The following ADAMTS18 variants were observed in gnomAD, a reference collection of about 807,000 sequenced individuals.
ADAMTS18 encodes the protein A disintegrin and metalloproteinase with thrombospondin motifs 18.
ADAMTS18 carries 157 observed loss-of-function variants against 165.9 expected under a neutral mutation model. The observed-to-expected ratio is 0.95, with a 90% CI of 0.83 to 1.08. The LOEUF (loss-of-function observed/expected upper bound fraction) is 1.08, where lower values mean the gene tolerates loss of function less well. ADAMTS18 is among the 50% of genes least tolerant of loss of function. The pLI, the probability that ADAMTS18 is intolerant of heterozygous loss-of-function variation, is 0.00. For synonymous variants in ADAMTS18, 782 were observed against 578.2 expected (o/e 1.35, Z -5.06); for missense variants, 2,040 against 1,534.0 (o/e 1.33, Z -5.51).
At chr16:77,316,881 G>T (rs1335798745) in intron 16 of ADAMTS18, among the ~76,000 whole-genome samples, 1 of 152,096 alleles carries the variant, frequency 6.6e-6, no homozygotes. Flanking sequence ...AGGCCAGTCT[G>T]GTCTCATACT....
intron 16 of ADAMTS18, among the ~76,000 whole-genome samples, chr16:77,309,841 C>A (rs2055747941): frequency 6.6e-6 from 1 of 152,190 alleles, no homozygotes; most frequent in Admixed American, 6.5e-5. Flanking sequence ...GGTAAGTCCA[C>A]TGTGAACTAA....
chr16:77,420,750 A>T (rs536448608), intron 3 of ADAMTS18, among the ~76,000 whole-genome samples: 1 of 152,164 alleles, frequency 6.6e-6, no homozygotes, highest in South Asian at 2.1e-4. Flanking sequence ...TTTTCCCATT[A>T]TGTCTCTTCA....
Position 77,283,622 on chromosome 16 carries a change from A to C in ADAMTS18, c.*334T>G, listed in dbSNP as rs2055190367. On this transcript the variant is annotated 3_prime_UTR_variant, in exon 23 of 23. Transcript: ENST00000282849. Reference sequence around the variant, plus strand: ...TTAAAACAGATGTCTTTGCCCTTGAACCCTTTGAAGTTCAAAAGGGGGTCT... The same window carrying C: ...TTAAAACAGATGTCTTTGCCCTTGACCCCTTTGAAGTTCAAAAGGGGGTCT... 1 of 312,416 alleles carries C rather than the reference A, an allele frequency of 3.2e-6. No homozygotes were observed. The highest frequency in any genetic ancestry group is 3.1e-5 in the South Asian group (1 of 32,190). 19.4% of individuals were successfully genotyped at this position (312,416 alleles called of 1,614,324 possible).
intron 22 of ADAMTS18, 103 bp downstream of exon 22, chr16:77,289,160 AC>A (rs2055313469): frequency 2.1e-6 from 3 of 1,443,584 alleles, no homozygotes; most frequent in Non-Finnish European, 1.9e-6. Context: ...TGAATGGCTT[AC>A]CCTAGAGTTG....
chr16:77,410,672 C>A (rs753392219), intron 3 of ADAMTS18, among the ~76,000 whole-genome samples: 1 of 152,120 alleles, frequency 6.6e-6, no homozygotes, highest in African/African-American at 2.4e-5. Context: ...CCAGAGACCG[C>A]CCTTGCTTGT....
Position 77,362,097 on chromosome 16 carries a change from T to G in ADAMTS18, c.1216+8A>C, listed in dbSNP as rs2056723670. ...CAGGTGTGTGTGAAGGATCTGTTCA[T>G]ACCATACCTAGAGTGTCACATGGTT... On this transcript the variant is annotated splice_region_variant and intron_variant, in intron 7 of 22. Coordinates refer to ENST00000282849, the MANE Select transcript of ADAMTS18 (RefSeq NM_199355.4). 1 of 1,614,050 alleles carries G rather than the reference T, an allele frequency of 6.2e-7. No individual in the cohort carries two copies. Among genetic ancestry groups the G allele is most frequent in the East Asian group, 2.2e-5 (1 of 44,860 alleles).
chr16:77,321,839 G>A (rs899990660), intron 14 of ADAMTS18, among the ~76,000 whole-genome samples: 30 of 152,178 alleles, frequency 2.0e-4, no homozygotes, highest in Admixed American at 1.9e-3. Flanking sequence ...CAAGGCTCAT[G>A]CAACAAGTAA....
intron 3 of ADAMTS18, among the ~76,000 whole-genome samples, chr16:77,419,869 G>A (rs2057578848): frequency 6.6e-6 from 1 of 151,638 alleles, no homozygotes; most frequent in Non-Finnish European, 1.5e-5. Flanking sequence ...GTATGGTAGT[G>A]GCGCCTGTAA....
chr16:77,421,729 T>C (rs1035017466), intron 3 of ADAMTS18, among the ~76,000 whole-genome samples: 4 of 152,148 alleles, frequency 2.6e-5, no homozygotes, highest in African/African-American at 4.8e-5. Context: ...GTATTTGACA[T>C]GTCAGCTTTT....
In ADAMTS18 at chr16:77,359,547, TG is replaced by T. The variant is rs1301852472; in HGVS notation, c.1217-125del. ...AATAGATCAATGCATTCAGTGTTTT[TG>T]GAAAAAAAAAAAAAAAAAGATCTAT... On this transcript the variant is annotated intron_variant, in intron 7 of 22. Coordinates refer to ENST00000282849, the MANE Select transcript of ADAMTS18 (RefSeq NM_199355.4). The T allele has an allele frequency of 2.1e-3, 1,289 of 619,190 alleles. 9 individuals are homozygous for T. The African/African-American group carries it at 0.037, about 18-fold the overall frequency. 38.4% of individuals were successfully genotyped at this position (619,190 alleles called of 1,614,324 possible). A position where few individuals can be genotyped will look rare whatever the true frequency, so the allele number is the denominator to read the frequency against.
chr16:77,373,465 GAAAAAAAAA>G (rs371326389), intron 3 of ADAMTS18, among the ~76,000 whole-genome samples: 7 of 78,210 alleles, frequency 9.0e-5, no homozygotes. Flanking sequence ...CCTCAAAAAA[GAAAAAAAAA>G]AAAAAGAAAG....
chr16:77,356,494 G>C (rs974032280), intron 8 of ADAMTS18, among the ~76,000 whole-genome samples: 3 of 152,172 alleles, frequency 2.0e-5, no homozygotes, highest in African/African-American at 7.2e-5. Flanking sequence ...AGTACAGAGA[G>C]ATGATGATTA....
rs1555511655 is a variant in ADAMTS18, at chr16:77,314,753, C to CCTATATATATATATATATATATAT, written c.2532+5095_2532+5096insATATATATATATATATATATATAG. On this transcript the variant is annotated intron_variant, in intron 16 of 22. Transcript: ENST00000282849. Reference sequence around the variant, plus strand: ...GTTTGCTAAATATGGTCTCAGGTTTCATATATATATATATATATATATATA... The same window carrying CCTATATATATATATATATATATAT: ...GTTTGCTAAATATGGTCTCAGGTTTCCTATATATATATATATATATATATATATATATATATATATATATATATA... Among the ~76,000 whole-genome samples the CCTATATATATATATATATATATAT allele has an allele frequency of 5.4e-5, 2 of 36,902 alleles. 1 individual carries two copies. The highest frequency in any genetic ancestry group is 1.1e-4 in the Non-Finnish European group (2 of 18,566). 24.2% of individuals were successfully genotyped at this position (36,902 alleles called of 152,430 possible).
intron 16 of ADAMTS18, among the ~76,000 whole-genome samples, chr16:77,318,145 G>T (rs1046071876): frequency 6.6e-6 from 1 of 152,182 alleles, no homozygotes; most frequent in Admixed American, 6.5e-5. Context: ...TCAGTTTTCA[G>T]ATCAACCCTC....
intron 9 of ADAMTS18, among the ~76,000 whole-genome samples, 174 bp from the exon 10 acceptor site, chr16:77,354,060 G>A (rs1487230487): frequency 6.6e-6 from 1 of 152,158 alleles, no homozygotes; most frequent in Admixed American, 6.5e-5. Flanking sequence ...CTGTCTAAGA[G>A]GATGGAATGT....
rs184471676 is a variant in ADAMTS18, at chr16:77,338,822, C to T, written c.1710+2882G>A. 1.6e-3 allele frequency among the ~76,000 whole-genome samples: 239 copies of T among 151,708 alleles called. 2 individuals are homozygous for T. The highest frequency in any genetic ancestry group is 5.5e-3 in the African/African-American group (228 of 41,402). On this transcript the variant is annotated intron_variant, in intron 11 of 22. Transcript: ENST00000282849. ...AGAAAAAATTAGCCGGGCGTGGTGG[C>T]GGGCACCTGTAGTTCCAGCTACTCG...
At chr16:77,407,546 C>T (rs752823837) in intron 3 of ADAMTS18, among the ~76,000 whole-genome samples, 1 of 152,028 alleles carries the variant, frequency 6.6e-6, no homozygotes, top group Admixed American at 6.6e-5. Flanking sequence ...ACGTGTAAGA[C>T]ATGTTACAAA....
chr16:77,399,515 T>G (rs1409453034), intron 3 of ADAMTS18, among the ~76,000 whole-genome samples: 1 of 152,202 alleles, frequency 6.6e-6, no homozygotes, highest in Non-Finnish European at 1.5e-5. Flanking sequence ...TAAAACTAAG[T>G]GATGTCTTTT....
intron 3 of ADAMTS18, among the ~76,000 whole-genome samples, chr16:77,400,472 GTGTGTGTGTTTTGTTTTTT>G (rs1262059041): frequency 2.5e-4 from 29 of 115,978 alleles, no homozygotes; most frequent in African/African-American, 8.4e-4. Flanking sequence ...GTGTGTGTGT[GTGTGTGTGTTTTGTTTTTT>G]TTTTTTTTGA....
Sources: gnomAD v4.1 joint callset for allele counts (sites outside exome capture counted in the v4.1 genomes callset) on GRCh38, gnomAD v4.1.1 for gene constraint, MANE v1.5 for transcripts, NCBI Gene and HGNC (gene_info 2026-07-23, HGNC 2026-07-21) for gene names.